USP34: variants seen among roughly 807,000 people sequenced by gnomAD.
The protein encoded by USP34 is ubiquitin specific peptidase 34, also known as ubiquitin carboxyl-terminal hydrolase 34.
USP34 carries 70 observed loss-of-function variants against 460.3 expected under a neutral mutation model. That is an observed-to-expected ratio of 0.15 (90% CI 0.13 to 0.19). The LOEUF (loss-of-function observed/expected upper bound fraction) is 0.19, where lower values mean the gene tolerates loss of function less well. USP34 is among the 10% of genes least tolerant of loss of function. The pLI is 1.00. For missense variants in USP34, 3,985 were observed against 4,236.2 expected (o/e 0.94, Z 1.65); for synonymous variants, 1,647 against 1,405.3 (o/e 1.17, Z -3.85).
chr2:61,220,165 A>T (rs868693657), intron 67 of USP34, 145 bp downstream of exon 67: 123 of 366,156 alleles, frequency 3.4e-4, no homozygotes, highest in Non-Finnish European at 4.9e-4. Flanking sequence ...AAAAAAAAAA[A>T]AAAAAAAAAA....
At chr2:61,468,570 A>AATTTTAAGAAAT (rs1406780586) in intron 1 of USP34, among the ~76,000 whole-genome samples, 1 of 152,226 alleles carries the variant, frequency 6.6e-6, no homozygotes, top group Non-Finnish European at 1.5e-5. Flanking sequence ...AATATTAAGA[A>AATTTTAAGAAAT]ACTAAGTATT....
intron 16 of USP34, among the ~76,000 whole-genome samples, chr2:61,341,268 A>C (rs1029533422): frequency 6.6e-6 from 1 of 152,212 alleles, no homozygotes; most frequent in Non-Finnish European, 1.5e-5. Context: ...CACATGAACA[A>C]ATCTTTTCAC....
intron 41 of USP34, among the ~76,000 whole-genome samples, chr2:61,273,118 CA>C (rs1689265178): frequency 6.6e-6 from 1 of 151,998 alleles, no homozygotes; most frequent in Admixed American, 6.6e-5. Flanking sequence ...AACATACCAA[CA>C]AAAAGGACAA....
At position 61,288,753 on chromosome 2, in the gene USP34, TTCCTATGGCTTTCCGCTA is replaced by T. The variant is rs1689764751; in HGVS notation, c.4655_4672del (p.Ile1552_Arg1557del). The T allele has an allele frequency of 1.2e-6, 2 of 1,614,090 alleles. No homozygotes were observed. The highest frequency in any genetic ancestry group is 4.5e-5 in the East Asian group (2 of 44,886). ...CCTTGATTTGCCAGGCCAGGTTCTT[TTCCTATGGCTTTCCGCTA>T]TACCAGACCAGGCAAAGACATCATG... is the stretch of plus-strand genomic sequence containing the variant. On this transcript the variant is annotated inframe_deletion, in exon 34 of 80. Transcript: ENST00000398571.
intron 21 of USP34, among the ~76,000 whole-genome samples, chr2:61,319,985 G>A (rs1303791772): frequency 6.6e-6 from 1 of 152,098 alleles, no homozygotes; most frequent in Non-Finnish European, 1.5e-5. Context: ...TCCAGTTTTT[G>A]GCGAATCGGT....
chr2:61,467,673 G>C (rs1474398516), intron 1 of USP34, among the ~76,000 whole-genome samples: 1 of 142,946 alleles, frequency 7.0e-6, no homozygotes, highest in Non-Finnish European at 1.5e-5. Context: ...AGGCTGGAGT[G>C]CAGTGGCATG....
rs1391366121 is a variant in USP34, at chr2:61,246,358, T to C, written c.6514A>G (p.Ile2172Val). The C allele has an allele frequency of 1.3e-6, 2 of 1,597,090 alleles. No individual in the cohort carries two copies. Among genetic ancestry groups the C allele is most frequent in the Non-Finnish European group, 8.5e-7 (1 of 1,172,316 alleles). Residue 2172 changes from isoleucine (I) to valine (V), a missense_variant, in exon 50 of 80, where the codon ATA becomes GTA. Physicochemically the swap from Ile to Val is conservative, Grantham distance 29 (BLOSUM62 3). This residue lies in a region of USP34 where 70 missense variants were observed against 78.1 expected (regional missense o/e 0.90). Coordinates refer to ENST00000398571, the MANE Select transcript of USP34 (RefSeq NM_014709.4). ...TTTTTATAAGCATGGGGATTTACTATATCTCTGATAAAGCTATAATAGTGT... is the reference window on the plus strand; with the variant it reads ...TTTTTATAAGCATGGGGATTTACTACATCTCTGATAAAGCTATAATAGTGT... ...GGHYYSFIRD[I>V]VNPHAYKNNK...
At position 61,425,181 on chromosome 2, in the gene USP34, T is replaced by C. The variant is rs182429796; in HGVS notation, c.44-4348A>G. 2.0e-5 allele frequency among the ~76,000 whole-genome samples: 3 copies of C among 152,164 alleles called. No homozygotes were observed. In the East Asian group the frequency reaches 5.8e-4, roughly 29 times the overall value. ...TAGAAGGCTCCACTGATCATGCCCA[T>C]GCCCCCGCCAACAAGGATACCAAAT... On this transcript the variant is annotated intron_variant, in intron 1 of 79. Transcript: ENST00000398571.
intron 10 of USP34, among the ~76,000 whole-genome samples, chr2:61,355,664 A>T (rs1692081274): frequency 6.6e-6 from 1 of 152,216 alleles, no homozygotes; most frequent in African/African-American, 2.4e-5. Flanking sequence ...AAACAACTAA[A>T]CATACAAAAA....
chr2:61,266,203 G>A (rs1314216187), intron 41 of USP34, 36 bp from the exon 42 acceptor site: 1 of 1,559,578 alleles, frequency 6.4e-7, no homozygotes, highest in Non-Finnish European at 8.8e-7. Context: ...TCTAAACTGA[G>A]ATATTAATTA....
intron 49 of USP34, among the ~76,000 whole-genome samples, chr2:61,248,185 CAAAAAAAAAAAAA>C (rs11339335): frequency 1.4e-5 from 1 of 69,568 alleles, no homozygotes; most frequent in African/African-American, 5.4e-5. Context: ...CTCAGAAGAC[CAAAAAAAAAAAAA>C]AAAAAAAACC....
intron 41 of USP34, among the ~76,000 whole-genome samples, chr2:61,268,376 T>C (rs1375246322): frequency 2.2e-5 from 3 of 138,160 alleles, no homozygotes; most frequent in African/African-American, 8.2e-5. Flanking sequence ...CTGAAGAGCC[T>C]GGTACCTACC....
chr2:61,312,526 A>G (rs913792661), intron 25 of USP34, among the ~76,000 whole-genome samples: 3 of 151,836 alleles, frequency 2.0e-5, no homozygotes, highest in Admixed American at 1.3e-4. Context: ...AAAAAAAAAA[A>G]GTCTAAAACT....
intron 2 of USP34, among the ~76,000 whole-genome samples, chr2:61,419,308 C>T (rs189156397): frequency 4.1e-4 from 62 of 151,930 alleles, no homozygotes; most frequent in African/African-American, 1.4e-3. Context: ...CCACCACACC[C>T]GGCCAGGCCA....
chr2:61,378,015 T>C (rs549052835), intron 8 of USP34, among the ~76,000 whole-genome samples: 33 of 152,116 alleles, frequency 2.2e-4, no homozygotes, highest in African/African-American at 8.0e-4. Context: ...TCTGCAAATA[T>C]CACAAAAATT....
At chr2:61,349,987 T>G (rs1196639985) in intron 12 of USP34, among the ~76,000 whole-genome samples, 4 of 152,088 alleles carry the variant, frequency 2.6e-5, no homozygotes, top group Non-Finnish European at 5.9e-5. Flanking sequence ...CTTGTTTGTT[T>G]ACAAAATGAA....
rs1027303076 is a variant in USP34 at position 61,226,331 on chromosome 2, T to A, written c.7595+736A>T. On this transcript the variant is annotated intron_variant, in intron 62 of 79. Coordinates refer to ENST00000398571, the MANE Select transcript of USP34 (RefSeq NM_014709.4). ...CTCTGCATATGCACACGTCTGTGAA[T>A]GACTGCAAAAGCTCCCCGAGTGCCA... Among the ~76,000 whole-genome samples, 4 of 152,238 alleles carry A rather than the reference T, an allele frequency of 2.6e-5. No homozygotes were observed. The East Asian group carries it at 5.8e-4, about 22-fold the overall frequency.
chr2:61,374,932 A>G (rs1189043785), intron 8 of USP34, among the ~76,000 whole-genome samples: 5 of 152,150 alleles, frequency 3.3e-5, no homozygotes, highest in Non-Finnish European at 5.9e-5. Context: ...GAAACAGACA[A>G]CAACACTACA....
At chr2:61,469,329 G>T (rs1474489037) in intron 1 of USP34, among the ~76,000 whole-genome samples, 1 of 152,162 alleles carries the variant, frequency 6.6e-6, no homozygotes, top group African/African-American at 2.4e-5. Flanking sequence ...ACTTGTATGT[G>T]AGATATAAAA....
Sources: allele counts gnomAD v4.1 joint callset (sites outside exome capture counted in the v4.1 genomes callset), GRCh38; gene constraint gnomAD v4.1.1; regional missense constraint gnomAD v4.1.1; transcripts MANE v1.5; gene names NCBI Gene and HGNC (gene_info 2026-07-23, HGNC 2026-07-21).